CMSS1: variants seen among roughly 807,000 people sequenced by gnomAD.
CMSS1 encodes protein CMSS1.
CMSS1 carries 33 observed loss-of-function variants against 43.5 expected under a neutral mutation model. The ratio of observed to expected loss-of-function variants is 0.76; its 90% CI spans 0.57 to 1.01. The LOEUF (loss-of-function observed/expected upper bound fraction) is 1.01, where lower values mean the gene tolerates loss of function less well. CMSS1 is among the 50% of genes least tolerant of loss of function. CMSS1 has a pLI of 0.00. For synonymous variants in CMSS1, 115 were observed against 117.2 expected (o/e 0.98, Z 0.12); for missense variants, 313 against 326.4 (o/e 0.96, Z 0.32).
chr3:100,080,641 C>T (rs763965867), intron 1 of CMSS1, among the ~76,000 whole-genome samples: 15 of 152,110 alleles, frequency 9.9e-5, no homozygotes, highest in Non-Finnish European at 1.3e-4. Flanking sequence ...TCTGTTCTCC[C>T]GATAGCAAGA....
intron 1 of CMSS1, among the ~76,000 whole-genome samples, chr3:99,828,049 G>A (rs1018160179): frequency 5.3e-5 from 8 of 152,144 alleles, no homozygotes; most frequent in South Asian, 2.1e-4. Flanking sequence ...AACATACAAC[G>A]TATTTTGTGC....
chr3:99,935,712 C>G (rs1237045152), intron 1 of CMSS1, among the ~76,000 whole-genome samples: 1 of 152,184 alleles, frequency 6.6e-6, no homozygotes, highest in African/African-American at 2.4e-5. Context: ...AATTCTGGGA[C>G]TCTCTGTTGT....
At position 100,062,156 on chromosome 3, in the gene CMSS1, G is replaced by A. The variant is rs535115597; in HGVS notation, c.65-84817G>A. ...AGACGGAGTGTTGCTCTGTCCCCCA[G>A]GCTGGAGTGCAGTGGCGCGATCTTG... On this transcript the variant is annotated intron_variant, in intron 1 of 9. Coordinates refer to ENST00000421999, the MANE Select transcript of CMSS1 (RefSeq NM_032359.4). Among the ~76,000 whole-genome samples the A allele has an allele frequency of 2.9e-3, 361 of 123,246 alleles. 8 individuals are homozygous for A. The Admixed American group carries it at 0.03, about 10-fold the overall frequency. The allele number at this position is 123,246 out of a possible 152,430, so 80.9% of individuals were successfully genotyped here. A position where few individuals can be genotyped will look rare whatever the true frequency, so the allele number is the denominator to read the frequency against.
chr3:100,058,594 G>A (rs1435618047), intron 1 of CMSS1, among the ~76,000 whole-genome samples: 4 of 152,094 alleles, frequency 2.6e-5, no homozygotes, highest in Admixed American at 6.5e-5. Flanking sequence ...CCCCTTGGTG[G>A]ACAAAGAGAA....
chr3:100,021,995 T>C (rs1012173482), intron 1 of CMSS1, among the ~76,000 whole-genome samples: 1 of 121,144 alleles, frequency 8.3e-6, no homozygotes, highest in African/African-American at 3.2e-5. Context: ...GAGAGAGAGA[T>C]ATGAGGGGGG....
chr3:100,146,051 T>C (rs1174759486), intron 1 of CMSS1, among the ~76,000 whole-genome samples: 1 of 152,200 alleles, frequency 6.6e-6, no homozygotes, highest in Non-Finnish European at 1.5e-5. Context: ...ATATTCACAT[T>C]TGAGGCTCAC....
chr3:100,046,002 G>A (rs1251667963), intron 1 of CMSS1, among the ~76,000 whole-genome samples: 5 of 152,158 alleles, frequency 3.3e-5, no homozygotes, highest in Non-Finnish European at 7.4e-5. Context: ...GTGGAAAAAT[G>A]GAAACATGTT....
chr3:100,087,931 A>C (rs921189919), intron 1 of CMSS1, among the ~76,000 whole-genome samples: 6 of 150,852 alleles, frequency 4.0e-5, no homozygotes, highest in Non-Finnish European at 8.8e-5. Flanking sequence ...CCAGGGTTCA[A>C]GCAATTCTCC....
chr3:100,093,289 C>A (rs2066144852), intron 1 of CMSS1, among the ~76,000 whole-genome samples: 1 of 151,512 alleles, frequency 6.6e-6, no homozygotes, highest in African/African-American at 2.4e-5. Context: ...TTTTAGTTAC[C>A]AAAACAATGT....
intron 1 of CMSS1, among the ~76,000 whole-genome samples, chr3:100,074,260 C>G (rs1024284804): frequency 1.3e-5 from 2 of 152,330 alleles, no homozygotes; most frequent in African/African-American, 4.8e-5. Flanking sequence ...GAGAGCTCTT[C>G]GCTGCTTTCC....
intron 1 of CMSS1, chr3:99,849,081 C>G: frequency 6.2e-7 from 1 of 1,614,114 alleles, no homozygotes; most frequent in Non-Finnish European, 8.5e-7. Flanking sequence ...TGGATTTCAT[C>G]CAGGGAATCC....
At chr3:99,993,151 TG>T (rs1181193722) in intron 1 of CMSS1, among the ~76,000 whole-genome samples, 1 of 152,124 alleles carries the variant, frequency 6.6e-6, no homozygotes, top group Non-Finnish European at 1.5e-5. Flanking sequence ...GAGCTTTTTT[TG>T]GGTTTCATAT....
chr3:99,959,484 AT>A (rs1708431648), intron 1 of CMSS1, among the ~76,000 whole-genome samples: 3 of 152,288 alleles, frequency 2.0e-5, no homozygotes, highest in South Asian at 4.1e-4. Flanking sequence ...TATTTTCTAT[AT>A]AAATATTAAA....
At chr3:100,144,946 T>C (rs2066835524) in intron 1 of CMSS1, among the ~76,000 whole-genome samples, 1 of 152,204 alleles carries the variant, frequency 6.6e-6, no homozygotes, top group Non-Finnish European at 1.5e-5. Context: ...TTTAAATATG[T>C]AATGTCTAGG....
chr3:99,898,008 A>G (rs1706314503), intron 1 of CMSS1: 1 of 152,208 alleles, frequency 6.6e-6, no homozygotes, highest in Non-Finnish European at 1.5e-5. Context: ...TACCAATGTT[A>G]CATTTAATTT....
intron 1 of CMSS1, among the ~76,000 whole-genome samples, chr3:99,957,914 A>G (rs1219475474): frequency 6.7e-6 from 1 of 150,124 alleles, no homozygotes; most frequent in Admixed American, 6.6e-5. Flanking sequence ...CTGTGTTTGG[A>G]ACCTGTTTAA....
chr3:99,848,942 G>T (rs757187030), intron 1 of CMSS1: 1 of 1,614,144 alleles, frequency 6.2e-7, no homozygotes, highest in Non-Finnish European at 8.5e-7. Flanking sequence ...GCTGTGTTTT[G>T]TACATGGTCT....
At chr3:100,019,669 T>C (rs767864125) in intron 1 of CMSS1, among the ~76,000 whole-genome samples, 1 of 152,222 alleles carries the variant, frequency 6.6e-6, no homozygotes, top group Non-Finnish European at 1.5e-5. Flanking sequence ...TCCTTTTCTA[T>C]GTAAAACTCT....
chr3:100,054,290 G>A (rs1164359613), intron 1 of CMSS1, among the ~76,000 whole-genome samples: 1 of 152,088 alleles, frequency 6.6e-6, no homozygotes, highest in Non-Finnish European at 1.5e-5. Context: ...AAGAACATGA[G>A]TTAGTTGCTA....
Sources: allele counts gnomAD v4.1 joint callset (sites outside exome capture counted in the v4.1 genomes callset), GRCh38; gene constraint gnomAD v4.1.1; transcripts MANE v1.5; gene names NCBI Gene and HGNC (gene_info 2026-07-23, HGNC 2026-07-21).